The following KCNV1 variants were observed in gnomAD, a reference collection of about 807,000 sequenced individuals.
KCNV1 encodes potassium voltage-gated channel modifier subfamily V member 1, also known as potassium voltage-gated channel subfamily V member 1.
In KCNV1, 2 loss-of-function variants were observed where a neutral mutation model predicts 36.4. That is an observed-to-expected ratio of 0.05 (90% CI 0.02 to 0.17). The LOEUF (loss-of-function observed/expected upper bound fraction) is 0.17. KCNV1 is among the 10% of genes least tolerant of loss of function. The probability of loss-of-function intolerance (pLI) is 1.00; values close to 1 mark genes in which losing one functional copy is unlikely to be tolerated. For missense variants in KCNV1, 321 were observed against 643.6 expected, an observed-to-expected ratio of 0.50 and a Z score of 5.42; for synonymous variants, 280 against 261.1, an observed-to-expected ratio of 1.07 and a Z score of -0.70.
At position 109,968,700 on chromosome 8, in the gene KCNV1, C is replaced by T. The variant is rs1819973355; in HGVS notation, c.992-101G>A. 8.5e-7 allele frequency: 1 copy of T among 1,172,930 alleles called. No homozygotes were observed. The highest frequency in any genetic ancestry group is 1.2e-6 in the Non-Finnish European group (1 of 835,494). The allele number at this position is 1,172,930 out of a possible 1,614,324, so 72.7% of individuals were successfully genotyped here. On this transcript the variant is annotated intron_variant, in intron 3 of 3. Coordinates refer to ENST00000524391, the MANE Select transcript of KCNV1 (RefSeq NM_014379.4). This position sits in a 1 kb window ranked among gnomAD's most constrained non-coding sequence, Gnocchi z 5.3. ...CTTGCTCTGCCACCCACAAACTGCA[C>T]TGCACACTTAAATGTCCCCAGCACT...
At position 109,972,289 on chromosome 8, in the gene KCNV1, C is replaced by A. The variant is rs1257336369; in HGVS notation, c.960G>T (p.Leu320=). Residue 320 remains leucine (L), a synonymous_variant, in exon 3 of 4, where the codon CTG becomes CTT. Transcript: ENST00000524391. This position sits in a 1 kb window ranked among gnomAD's most constrained non-coding sequence, Gnocchi z 5.2. ...IVQVLRLLRA[L]RMLKLGRHST... ...AATGTCTGCCCAGCTTTAGCATGCG[C>A]AGAGCCCTGAGCAGCCTCAACACCT... 1.2e-6 allele frequency: 2 copies of A among 1,610,034 alleles called. No individual in the cohort carries two copies. Among genetic ancestry groups the A allele is most frequent in the South Asian group, 1.1e-5 (1 of 90,418 alleles).
rs772986756 is a variant in KCNV1, at chr8:109,968,396, T to C, written c.1195A>G (p.Arg399Gly). The change falls in exon 4 of 4, where the codon AGA becomes GGA. Residue 399 changes from arginine to glycine, a missense_variant. Arg to Gly is a moderately radical substitution (Grantham distance 125). This residue lies in a region of KCNV1 where 36 missense variants were observed against 130.5 expected (regional missense o/e 0.28). Coordinates refer to ENST00000524391, the MANE Select transcript of KCNV1 (RefSeq NM_014379.4). This position sits in a 1 kb window ranked among gnomAD's most constrained non-coding sequence, Gnocchi z 5.3. ...SMTTVGYGDI[R>G]PDTTTGKIVA... Reference sequence around the variant, plus strand: ...ATTTTGCCTGTGGTGGTGTCTGGTCTAATGTCCCCATATCCCACAGTAGTC... The same window carrying C: ...ATTTTGCCTGTGGTGGTGTCTGGTCCAATGTCCCCATATCCCACAGTAGTC... The C allele has an allele frequency of 6.2e-7, 1 of 1,614,236 alleles. No homozygotes were observed. Among genetic ancestry groups the C allele is most frequent in the East Asian group, 2.2e-5 (1 of 44,880 alleles).
rs1820057354 is a variant in KCNV1 at position 109,974,567 on chromosome 8, G to T, written c.-179C>A. The T allele has an allele frequency of 3.4e-6, 2 of 595,654 alleles. No homozygotes were observed. Among genetic ancestry groups the T allele is most frequent in the South Asian group, 4.2e-5 (2 of 48,168 alleles). 36.9% of individuals were successfully genotyped at this position (595,654 alleles called of 1,614,324 possible). A position where few individuals can be genotyped will look rare whatever the true frequency, so the allele number is the denominator to read the frequency against. ...CGCTGTGCGCCTTCCTCCTCCTGCC[G>T]CTAGGGAGCCGGGAGTGCGCGGAAG... On this transcript the variant is annotated 5_prime_UTR_variant, in exon 2 of 4. Coordinates refer to ENST00000524391, the MANE Select transcript of KCNV1 (RefSeq NM_014379.4). This position sits in a 1 kb window ranked among gnomAD's most constrained non-coding sequence, Gnocchi z 6.2.
Position 109,974,696 on chromosome 8 carries a change from G to A in KCNV1, c.-308C>T. ...GCCCGACACAGTCCCTGTGCACACT[G>A]CCGGTCGCCCTGGCCCTTCCCAAAC... On this transcript the variant is annotated 5_prime_UTR_variant, in exon 2 of 4. Transcript: ENST00000524391. This position sits in a 1 kb window ranked among gnomAD's most constrained non-coding sequence, Gnocchi z 6.2. 2.4e-6 allele frequency: 1 copy of A among 415,272 alleles called. No homozygotes were observed. The highest frequency in any genetic ancestry group is 4.3e-6 in the Non-Finnish European group (1 of 231,828). The allele number at this position is 415,272 out of a possible 1,614,324, so 25.7% of individuals were successfully genotyped here. A position where few individuals can be genotyped will look rare whatever the true frequency, so the allele number is the denominator to read the frequency against.
chr8:109,973,622 G>A (rs1317462988), intron 2 of KCNV1, among the ~76,000 whole-genome samples: 1 of 152,156 alleles, frequency 6.6e-6, no homozygotes, highest in Non-Finnish European at 1.5e-5. Context: ...TTTGGAGCAT[G>A]GCGTTTCTGA....
In KCNV1 at chr8:109,967,841, T is replaced by C; in HGVS notation, c.*247A>G. 1 of 397,528 alleles carries C rather than the reference T, an allele frequency of 2.5e-6. No homozygotes were observed. The highest frequency in any genetic ancestry group is 4.5e-6 in the Non-Finnish European group (1 of 221,704). 24.6% of individuals were successfully genotyped at this position (397,528 alleles called of 1,614,324 possible). On this transcript the variant is annotated 3_prime_UTR_variant, in exon 4 of 4. Coordinates refer to ENST00000524391, the MANE Select transcript of KCNV1 (RefSeq NM_014379.4). ...TTTTATATTTGACAATTCAAACATGTTTATATTGGCCCAGTTGTATTTGGT... is the reference window on the plus strand; with the variant it reads ...TTTTATATTTGACAATTCAAACATGCTTATATTGGCCCAGTTGTATTTGGT...
chr8:109,972,698 A>G lies in KCNV1; in HGVS notation c.551T>C (p.Phe184Ser), dbSNP rs1820026266. 1.9e-6 allele frequency: 3 copies of G among 1,614,076 alleles called. No individual in the cohort carries two copies. Among genetic ancestry groups the G allele is most frequent in the Non-Finnish European group, 2.5e-6 (3 of 1,179,994 alleles). The change falls in exon 3 of 4, where the codon TTC (phenylalanine) becomes TCC (serine). Residue 184 changes from phenylalanine to serine, a missense_variant. Transcript: ENST00000524391. This position sits in a 1 kb window ranked among gnomAD's most constrained non-coding sequence, Gnocchi z 5.2. ...AACAGTGGGACAAGGTCCTTGGGAG[A>G]AGTCCTGTTCACTCTCATGTTGACT... ...QESQHESEQD[F>S]SQGPCPTVRQ...
chr8:109,971,229 C>A (rs1383307225), intron 3 of KCNV1, among the ~76,000 whole-genome samples: 3 of 152,046 alleles, frequency 2.0e-5, no homozygotes, highest in Non-Finnish European at 4.4e-5. Context: ...AGGTTTGGTC[C>A]AAGAACCACC....
At chr8:109,971,741 G>T (rs1208163994) in intron 3 of KCNV1, among the ~76,000 whole-genome samples, 1 of 151,548 alleles carries the variant, frequency 6.6e-6, no homozygotes, top group Non-Finnish European at 1.5e-5. Flanking sequence ...GAAAATTTTG[G>T]AAAGGCCACC....
In KCNV1 at chr8:109,972,904, CTA is replaced by C; in HGVS notation, c.462-119_462-118del. ...CATTCAACAAAATGCAGAAAAATGT[CTA>C]TTCATATTTTACTTAGGTTGTGTCT... On this transcript the variant is annotated intron_variant, in intron 2 of 3. Coordinates refer to ENST00000524391, the MANE Select transcript of KCNV1 (RefSeq NM_014379.4). This position sits in a 1 kb window ranked among gnomAD's most constrained non-coding sequence, Gnocchi z 5.2. The C allele has an allele frequency of 1.4e-6, 1 of 736,308 alleles. No homozygotes were observed. Among genetic ancestry groups the C allele is most frequent in the Non-Finnish European group, 2.2e-6 (1 of 454,870 alleles). The allele number at this position is 736,308 out of a possible 1,614,324, so 45.6% of individuals were successfully genotyped here.
rs1474715203 is a variant in KCNV1 at position 109,974,600 on chromosome 8, C to G, written c.-212G>C. ...GCCGGGAGTGCGCGGAAGCAGCGCACAAGTGGCAGAAAGAGGAGACAGGGA... is the reference window on the plus strand; with the variant it reads ...GCCGGGAGTGCGCGGAAGCAGCGCAGAAGTGGCAGAAAGAGGAGACAGGGA... On this transcript the variant is annotated 5_prime_UTR_variant, in exon 2 of 4. Transcript: ENST00000524391. This position sits in a 1 kb window ranked among gnomAD's most constrained non-coding sequence, Gnocchi z 6.2. 3 of 585,084 alleles carry G rather than the reference C, an allele frequency of 5.1e-6. No homozygotes were observed. The highest frequency in any genetic ancestry group is 9.1e-6 in the Non-Finnish European group (3 of 331,378). 36.2% of individuals were successfully genotyped at this position (585,084 alleles called of 1,614,324 possible). A position where few individuals can be genotyped will look rare whatever the true frequency, so the allele number is the denominator to read the frequency against.
At position 109,964,345 on chromosome 8, in the gene KCNV1, A is replaced by C. The variant is rs1008841263; in HGVS notation, c.*3743T>G. 2 of 152,036 alleles carry C rather than the reference A, an allele frequency of 1.3e-5. No homozygotes were observed. The highest frequency in any genetic ancestry group is 1.5e-5 in the Non-Finnish European group (1 of 68,014). 9.4% of individuals were successfully genotyped at this position (152,036 alleles called of 1,614,324 possible). A position where few individuals can be genotyped will look rare whatever the true frequency, so the allele number is the denominator to read the frequency against. ...TGGCTATTATTAAAAAGCAAAAAAAAAAAAGCAGATGCTGGCGAAGTTATG... is the reference window on the plus strand; with the variant it reads ...TGGCTATTATTAAAAAGCAAAAAAACAAAAGCAGATGCTGGCGAAGTTATG... On this transcript the variant is annotated 3_prime_UTR_variant, in exon 4 of 4. Transcript: ENST00000524391.
chr8:109,967,653 C>A lies in KCNV1; in HGVS notation c.*435G>T, dbSNP rs1350876875. 2 of 160,676 alleles carry A rather than the reference C, an allele frequency of 1.2e-5. No homozygotes were observed. The highest frequency in any genetic ancestry group is 1.4e-5 in the Non-Finnish European group (1 of 72,786). 10.0% of individuals were successfully genotyped at this position (160,676 alleles called of 1,614,324 possible). A position where few individuals can be genotyped will look rare whatever the true frequency, so the allele number is the denominator to read the frequency against. On this transcript the variant is annotated 3_prime_UTR_variant, in exon 4 of 4. Coordinates refer to ENST00000524391, the MANE Select transcript of KCNV1 (RefSeq NM_014379.4). ...AGTAATTTATGTACTTGGATAATAT[C>A]TTTAAATAGCAAAGTTGTTCAATAT...
At position 109,967,999 on chromosome 8, in the gene KCNV1, G is replaced by C; in HGVS notation, c.*89C>G. 8.0e-7 allele frequency: 1 copy of C among 1,243,100 alleles called. No individual in the cohort carries two copies. The highest frequency in any genetic ancestry group is 1.1e-6 in the Non-Finnish European group (1 of 894,988). The allele number at this position is 1,243,100 out of a possible 1,614,324, so 77.0% of individuals were successfully genotyped here. A position where few individuals can be genotyped will look rare whatever the true frequency, so the allele number is the denominator to read the frequency against. ...ATTAAGATGAGCAGTACTCTGAAGA[G>C]ACTCATCATCAGAATACAGAAATCC... On this transcript the variant is annotated 3_prime_UTR_variant, in exon 4 of 4. Coordinates refer to ENST00000524391, the MANE Select transcript of KCNV1 (RefSeq NM_014379.4).
intron 3 of KCNV1, among the ~76,000 whole-genome samples, chr8:109,970,228 T>A (rs1345186762): frequency 6.6e-6 from 1 of 152,216 alleles, no homozygotes; most frequent in Non-Finnish European, 1.5e-5. Context: ...TATAATACCT[T>A]TACTTTTATA....
chr8:109,970,930 A>G (rs978454056), intron 3 of KCNV1, among the ~76,000 whole-genome samples: 1 of 152,194 alleles, frequency 6.6e-6, no homozygotes, highest in Non-Finnish European at 1.5e-5. Context: ...TGGAAACCCC[A>G]TTATCAAATT....
chr8:109,974,869 A>T lies in KCNV1; in HGVS notation c.-481T>A, dbSNP rs571825047. ...CGGAGGAGGAGGAAGAGGAGAGAAG[A>T]TGACTCTTAGCTGAACGCAAGCAAG... On this transcript the variant is annotated 5_prime_UTR_variant, in exon 2 of 4. Transcript: ENST00000524391. This position sits in a 1 kb window ranked among gnomAD's most constrained non-coding sequence, Gnocchi z 6.2. The T allele has an allele frequency of 6.0e-4, 102 of 168,910 alleles. 1 individual carries two copies. Among genetic ancestry groups the T allele is most frequent in the Non-Finnish European group, 8.3e-4 (65 of 78,270 alleles). The allele number at this position is 168,910 out of a possible 1,614,324, so 10.5% of individuals were successfully genotyped here. A position where few individuals can be genotyped will look rare whatever the true frequency, so the allele number is the denominator to read the frequency against.
chr8:109,967,886 G>C lies in KCNV1; in HGVS notation c.*202C>G. The C allele has an allele frequency of 2.0e-6, 1 of 512,624 alleles. No homozygotes were observed. The highest frequency in any genetic ancestry group is 3.6e-5 in the South Asian group (1 of 28,058). The allele number at this position is 512,624 out of a possible 1,614,324, so 31.8% of individuals were successfully genotyped here. On this transcript the variant is annotated 3_prime_UTR_variant, in exon 4 of 4. Transcript: ENST00000524391. ...TTTGGTTGTGTTAATTGGCTATTTT[G>C]GACACTCAAATGTGTCAGAACACTG...
Position 109,968,585 on chromosome 8 carries a change from C to A in KCNV1, c.1006G>T (p.Gly336Trp). ...TCGTAACACTGGGTGATTGTCATCCCAAGGGAGCGTAATCCTGCAACAGAA... is the reference window on the plus strand; with the variant it reads ...TCGTAACACTGGGTGATTGTCATCCAAAGGGAGCGTAATCCTGCAACAGAA... ...GRHSTGLRSL[G>W]MTITQCYEEV... The change falls in exon 4 of 4, where the codon GGG becomes TGG. Residue 336 changes from glycine (G) to tryptophan (W), a missense_variant. Around this residue, in one of 5 missense-constraint regions of KCNV1, gnomAD observed 141 missense variants for 225.0 expected, o/e 0.63. Transcript: ENST00000524391. This position sits in a 1 kb window ranked among gnomAD's most constrained non-coding sequence, Gnocchi z 5.3. 6.3e-7 allele frequency: 1 copy of A among 1,587,716 alleles called. No homozygotes were observed. Among genetic ancestry groups the A allele is most frequent in the South Asian group, 1.1e-5 (1 of 88,948 alleles).
Sources: gnomAD v4.1 joint callset for allele counts (sites outside exome capture counted in the v4.1 genomes callset) on GRCh38, gnomAD v4.1.1 for gene constraint, gnomAD v4.1.1 regional missense constraint, Gnocchi (gnomAD v3.1) non-coding constraint, MANE v1.5 for transcripts, NCBI Gene and HGNC (gene_info 2026-07-23, HGNC 2026-07-21) for gene names.